Variants in MAST2 observed in about 807,000 individuals in gnomAD.
The protein encoded by MAST2 is microtubule-associated serine/threonine-protein kinase 2.
MAST2 carries 70 observed loss-of-function variants against 147.4 expected under a neutral mutation model. The observed-to-expected ratio is 0.47, with a 90% CI of 0.39 to 0.58. The LOEUF (loss-of-function observed/expected upper bound fraction) is 0.58. Ranked by LOEUF, MAST2 falls within the 20% of genes least tolerant of loss-of-function variation. The pLI is 0.00. For synonymous variants in MAST2, 869 were observed against 896.8 expected, an observed-to-expected ratio of 0.97 and a Z score of 0.55; for missense variants, 2,080 against 2,302.3, an observed-to-expected ratio of 0.90 and a Z score of 1.98.
intron 4 of MAST2, among the ~76,000 whole-genome samples, chr1:45,925,033 C>A (rs527915424): frequency 4.3e-4 from 66 of 152,186 alleles, no homozygotes; most frequent in Non-Finnish European, 8.2e-4. Flanking sequence ...CCCTAGTAAA[C>A]CAACACAGCT....
chr1:45,995,591 T>C (rs1191078931), intron 5 of MAST2, among the ~76,000 whole-genome samples: 1 of 152,198 alleles, frequency 6.6e-6, no homozygotes, highest in East Asian at 1.9e-4. Context: ...ATTTTTTGTT[T>C]GTTTGTTTTT....
At chr1:45,856,142 G>A (rs926626378) in intron 3 of MAST2, among the ~76,000 whole-genome samples, 1 of 152,116 alleles carries the variant, frequency 6.6e-6, no homozygotes, top group Non-Finnish European at 1.5e-5. Context: ...GAAGATACAG[G>A]GCTTGGTACA....
intron 4 of MAST2, among the ~76,000 whole-genome samples, chr1:45,885,076 T>C (rs568403380): frequency 6.6e-6 from 1 of 152,288 alleles, no homozygotes; most frequent in East Asian, 1.9e-4. Context: ...ATTTGTTGTG[T>C]GGAAAAACTG....
At chr1:45,941,547 C>A (rs1057497828) in intron 4 of MAST2, among the ~76,000 whole-genome samples, 1 of 152,204 alleles carries the variant, frequency 6.6e-6, no homozygotes, top group East Asian at 1.9e-4. Flanking sequence ...CGTGAGCTAC[C>A]GTGCCTGGCC....
chr1:46,019,890 C>T (rs946528), intron 11 of MAST2, among the ~76,000 whole-genome samples, 193 bp downstream of exon 11: 98,804 of 152,158 alleles, frequency 0.65, 32,389 homozygotes, highest in Non-Finnish European at 0.69. Flanking sequence ...TGAGGGGATG[C>T]GGCAGGGAGA....
Position 45,960,172 on chromosome 1 carries a change from G to A in MAST2, c.592+695G>A, listed in dbSNP as rs188863657. On this transcript the variant is annotated intron_variant, in intron 5 of 28. Transcript: ENST00000361297. ...TAGCCCTGGAATATGGGCTCTTCCC[G>A]ACAGTATAAGGACTGATTTACATGG... is the stretch of plus-strand genomic sequence containing the variant. Among the ~76,000 whole-genome samples the A allele has an allele frequency of 1.6e-4, 24 of 152,214 alleles. No homozygotes were observed. In the East Asian group the frequency reaches 4.4e-3, roughly 28 times the overall value.
At chr1:45,905,433 C>G (rs6697843) in intron 4 of MAST2, among the ~76,000 whole-genome samples, 2 of 151,456 alleles carry the variant, frequency 1.3e-5, no homozygotes, top group African/African-American at 4.9e-5. Flanking sequence ...GTGATCTGCC[C>G]GTCTTGGCCT....
At chr1:45,968,997 G>A (rs1031023564) in intron 5 of MAST2, among the ~76,000 whole-genome samples, 1 of 151,362 alleles carries the variant, frequency 6.6e-6, no homozygotes, top group Non-Finnish European at 1.5e-5. Context: ...GCCCATCAAA[G>A]GCATTCTTCA....
At chr1:46,006,140 A>T in intron 7 of MAST2, 101 bp from the exon 8 acceptor site, 1 of 1,200,096 alleles carries the variant, frequency 8.3e-7, no homozygotes, top group Non-Finnish European at 1.2e-6. Context: ...CTTTGGGTTT[A>T]TAGTGACTGG....
intron 4 of MAST2, among the ~76,000 whole-genome samples, chr1:45,942,793 T>G (rs781389347): frequency 1.3e-5 from 2 of 152,184 alleles, no homozygotes; most frequent in African/African-American, 2.4e-5. Context: ...TCCTGGTACA[T>G]GAGATAGAAC....
chr1:45,894,328 T>G (rs1648365355), intron 4 of MAST2, among the ~76,000 whole-genome samples: 1 of 152,190 alleles, frequency 6.6e-6, no homozygotes, highest in Admixed American at 6.5e-5. Flanking sequence ...ACACTTAAGA[T>G]AGGATTGTTG....
chr1:45,868,233 G>A (rs1646240410), intron 3 of MAST2, among the ~76,000 whole-genome samples: 1 of 152,172 alleles, frequency 6.6e-6, no homozygotes, highest in Non-Finnish European at 1.5e-5. Flanking sequence ...ATTTGAGATT[G>A]AAGTTCCTTG....
intron 9 of MAST2, among the ~76,000 whole-genome samples, chr1:46,010,450 T>C (rs1318455927): frequency 6.6e-6 from 1 of 152,076 alleles, no homozygotes; most frequent in Non-Finnish European, 1.5e-5. Flanking sequence ...AGCAAACACC[T>C]GTGTGTCCGT....
intron 4 of MAST2, among the ~76,000 whole-genome samples, chr1:45,948,995 C>T (rs1342897235): frequency 6.6e-6 from 1 of 152,036 alleles, no homozygotes; most frequent in Non-Finnish European, 1.5e-5. Flanking sequence ...ACTCCCTATT[C>T]AGTAAGTGGT....
intron 4 of MAST2, among the ~76,000 whole-genome samples, chr1:45,898,514 TTTG>T (rs373244497): frequency 3.9e-5 from 6 of 152,316 alleles, no homozygotes; most frequent in East Asian, 3.9e-4. Flanking sequence ...TTCTGTTTTT[TTTG>T]TTGTTGTTGT....
At chr1:46,016,925 T>C (rs1315303465) in intron 10 of MAST2, among the ~76,000 whole-genome samples, 20 of 151,950 alleles carry the variant, frequency 1.3e-4, no homozygotes, top group East Asian at 1.9e-4. Flanking sequence ...CTTCAAACTA[T>C]ACTACAAGGC....
At chr1:45,811,160 A>G (rs1402923395) in intron 1 of MAST2, among the ~76,000 whole-genome samples, 4 of 141,816 alleles carry the variant, frequency 2.8e-5, no homozygotes, top group South Asian at 2.2e-4. Flanking sequence ...CGAGAGCAGT[A>G]TATTTCTTTT....
intron 6 of MAST2, chr1:46,001,125 C>A: frequency 1.9e-6 from 1 of 538,356 alleles, no homozygotes; most frequent in Non-Finnish European, 3.2e-6. Flanking sequence ...TCATGTCTTG[C>A]AAAGAGGCCC....
chr1:46,003,123 A>G (rs1418896610), intron 7 of MAST2, among the ~76,000 whole-genome samples: 1 of 152,166 alleles, frequency 6.6e-6, no homozygotes, highest in Non-Finnish European at 1.5e-5. Flanking sequence ...CTTCTAGTGG[A>G]GGCAGAGGAG....
Sources: gnomAD v4.1 joint callset for allele counts (sites outside exome capture counted in the v4.1 genomes callset) on GRCh38, gnomAD v4.1.1 for gene constraint, MANE v1.5 for transcripts, NCBI Gene and HGNC (gene_info 2026-07-23, HGNC 2026-07-21) for gene names.